C4orf50: variants seen among roughly 807,000 people sequenced by gnomAD.
C4orf50 encodes chromosome 4 open reading frame 50.
A neutral mutation model predicts 77.2 loss-of-function variants in C4orf50; 80 were observed. The ratio of observed to expected loss-of-function variants is 1.04; its 90% CI spans 0.87 to 1.25. The LOEUF (loss-of-function observed/expected upper bound fraction) is 1.25, where lower values mean the gene tolerates loss of function less well. Ranked by LOEUF, C4orf50 falls within the 50% of genes most tolerant of loss-of-function variation. The probability of loss-of-function intolerance (pLI) is 0.00; values close to 1 mark genes in which losing one functional copy is unlikely to be tolerated. For synonymous variants in C4orf50, 532 were observed against 465.3 expected (o/e 1.14, Z -1.84); for missense variants, 1,257 against 1,152.9 (o/e 1.09, Z -1.31).
intron 7 of C4orf50, among the ~76,000 whole-genome samples, chr4:5,922,310 G>A (rs1717312286): frequency 6.6e-6 from 1 of 152,198 alleles, no homozygotes; most frequent in African/African-American, 2.4e-5. Flanking sequence ...CAAAACAACT[G>A]CCTGAAAAGA....
At chr4:5,964,140 T>C (rs1336710137) in intron 33 of C4orf50, among the ~76,000 whole-genome samples, 2 of 152,268 alleles carry the variant, frequency 1.3e-5, no homozygotes, top group East Asian at 1.9e-4. Flanking sequence ...AGCAGGGCAA[T>C]TGAGGACCTA....
At chr4:5,972,458 G>A (rs1257500341) in intron 31 of C4orf50, among the ~76,000 whole-genome samples, 1 of 152,216 alleles carries the variant, frequency 6.6e-6, no homozygotes, top group Admixed American at 6.5e-5. Flanking sequence ...AAGAGCAACA[G>A]ACTGGGAGTC....
chr4:5,989,091 G>C (rs935834649), exon 28 of C4orf50: 1 of 1,536,000 alleles, frequency 6.5e-7, no homozygotes, highest in South Asian at 1.2e-5. Flanking sequence ...ACTGAGAGAT[G>C]TCCCCTACCA....
chr4:5,990,307 T>C, exon 28 of C4orf50: 1 of 1,064,410 alleles, frequency 9.4e-7, no homozygotes, highest in East Asian at 3.2e-5. Context: ...CTGACTTAGC[T>C]GGTACTTGTC....
intron 7 of C4orf50, among the ~76,000 whole-genome samples, chr4:5,950,822 G>A (rs1421561549): frequency 6.6e-6 from 1 of 152,148 alleles, no homozygotes; most frequent in African/African-American, 2.4e-5. Flanking sequence ...CCATACACCA[G>A]GAAGCATGAC....
chr4:6,003,918 G>C (rs1577991119), intron 25 of C4orf50, among the ~76,000 whole-genome samples: 1 of 125,422 alleles, frequency 8.0e-6, no homozygotes, highest in African/African-American at 3.3e-5. Context: ...TGTTGATGAT[G>C]GTGGTGATGG....
chr4:5,992,391 CT>C lies in C4orf50; in HGVS notation c.1221+411del, dbSNP rs1340196476. On this transcript the variant is annotated intron_variant, in intron 27 of 33. Coordinates refer to ENST00000531445, the Ensembl canonical transcript of C4orf50. This position sits in a 1 kb window ranked among gnomAD's most constrained non-coding sequence, Gnocchi z 5.0. ...TGAGTTGGGACGCAGGCTCCTGACC[CT>C]CAGGGCCAGCATGGGGCAGTGTGGG... Among the ~76,000 whole-genome samples, 12 of 152,048 alleles carry C rather than the reference CT, an allele frequency of 7.9e-5. No homozygotes were observed. Among genetic ancestry groups the C allele is most frequent in the African/African-American group, 4.8e-5 (2 of 41,418 alleles).
intron 7 of C4orf50, among the ~76,000 whole-genome samples, chr4:5,930,750 C>T (rs1346588457): frequency 1.3e-5 from 2 of 152,192 alleles, no homozygotes; most frequent in Non-Finnish European, 2.9e-5. Flanking sequence ...CAGTGTTGCA[C>T]TCAACTCCAG....
intron 7 of C4orf50, among the ~76,000 whole-genome samples, chr4:5,935,737 G>T (rs1300954748): frequency 7.4e-6 from 1 of 134,716 alleles, no homozygotes; most frequent in Non-Finnish European, 1.5e-5. Flanking sequence ...AGTGAGCCGA[G>T]ATTGCGCCAT....
Position 5,934,154 on chromosome 4 carries a change from G to T in C4orf50, c.*2474+22747C>A, listed in dbSNP as rs535027268. 2.6e-5 allele frequency among the ~76,000 whole-genome samples: 4 copies of T among 152,098 alleles called. No homozygotes were observed. In the East Asian group the frequency reaches 7.8e-4, roughly 30 times the overall value. ...CTCGGTCTCCTCATCTGTAAGAAGG[G>T]GTGAGCAGCTCACTGGATGGCTGTA... On this transcript the variant is annotated intron_variant, in intron 7 of 7. Coordinates refer to the C4orf50 transcript ENST00000324058.
In C4orf50 at chr4:5,959,376, TA is replaced by T; in HGVS notation, c.4525del (p.Ter1509AsnfsTer26). ...GGCTCCGGAGAATGAGTGGCCCTATTACATTTCTAACTCCAGCGGTGATTTA... is the reference window on the plus strand; with the variant it reads ...GGCTCCGGAGAATGAGTGGCCCTATTCATTTCTAACTCCAGCGGTGATTTA... On this transcript the variant is annotated frameshift_variant and stop_lost, in exon 34 of 34. Coordinates refer to ENST00000531445, the Ensembl canonical transcript of C4orf50. LOFTEE classifies it high-confidence loss of function. The T allele has an allele frequency of 6.2e-7, 1 of 1,612,998 alleles. No individual in the cohort carries two copies. Among genetic ancestry groups the T allele is most frequent in the Non-Finnish European group, 8.5e-7 (1 of 1,179,090 alleles).
rs187304293 is a variant in C4orf50 at position 5,970,220 on chromosome 4, G to T, written c.4105-2758C>A. The stretch of plus-strand genomic sequence containing the variant: ...GAGGAAGCAAAACAGGCCCAGGAAG[G>T]TGCCCTGAGCCCTGCTCACTCAAGG... On this transcript the variant is annotated intron_variant, in intron 31 of 33. Transcript: ENST00000531445. The surrounding 1 kb of genome is among the most constrained non-coding windows in gnomAD (Gnocchi z 4.3). Among the ~76,000 whole-genome samples, 81 of 151,878 alleles carry T rather than the reference G, an allele frequency of 5.3e-4. No homozygotes were observed. The highest frequency in any genetic ancestry group is 1.9e-3 in the African/African-American group (79 of 41,406).
At chr4:6,002,110 T>A (rs78727055) in intron 25 of C4orf50, among the ~76,000 whole-genome samples, 2,925 of 152,264 alleles carry the variant, frequency 0.019, 117 homozygotes, top group African/African-American at 0.067. Context: ...GTGATCAAAT[T>A]AAGGTGAGGC....
exon 28 of C4orf50, chr4:5,988,743 C>T: frequency 6.5e-7 from 1 of 1,536,096 alleles, no homozygotes; most frequent in Non-Finnish European, 8.7e-7. Context: ...AGGTGACTTC[C>T]CTCTCCAGGA....
intron 33 of C4orf50, among the ~76,000 whole-genome samples, chr4:5,960,163 A>C (rs994036310): frequency 5.9e-5 from 9 of 152,170 alleles, no homozygotes; most frequent in Non-Finnish European, 1.2e-4. Context: ...GCCTTCATTA[A>C]ATGTATTAGC....
At chr4:5,928,530 C>T (rs1172158901) in intron 7 of C4orf50, among the ~76,000 whole-genome samples, 1 of 152,204 alleles carries the variant, frequency 6.6e-6, no homozygotes, top group East Asian at 1.9e-4. Context: ...TGTGTGCTGA[C>T]AGGGACGGGC....
At chr4:5,976,026 G>T in intron 29 of C4orf50, 71 bp from the exon 8 acceptor site, 1 of 1,306,888 alleles carries the variant, frequency 7.7e-7, no homozygotes, top group Non-Finnish European at 1.1e-6. Context: ...CCCCAGGCAA[G>T]CTGGGCTCAG....
chr4:5,966,334 G>T (rs1225807037), intron 32 of C4orf50, among the ~76,000 whole-genome samples: 1 of 152,020 alleles, frequency 6.6e-6, no homozygotes, highest in Non-Finnish European at 1.5e-5. Flanking sequence ...AATTAGCCAG[G>T]CATGATAGTG....
intron 7 of C4orf50, among the ~76,000 whole-genome samples, chr4:5,909,666 C>A (rs1478015154): frequency 6.6e-6 from 1 of 152,180 alleles, no homozygotes; most frequent in Non-Finnish European, 1.5e-5. Context: ...GCCTTTCATC[C>A]ATTCTTGATT....
Sources: allele counts gnomAD v4.1 joint callset (sites outside exome capture counted in the v4.1 genomes callset), GRCh38; gene constraint gnomAD v4.1.1; non-coding constraint Gnocchi (gnomAD v3.1); transcripts MANE v1.5; gene names NCBI Gene and HGNC (gene_info 2026-07-23, HGNC 2026-07-21).